The following TMEM154 variants were observed in gnomAD, a reference collection of about 807,000 sequenced individuals.
The protein encoded by TMEM154 is transmembrane protein 154.
Under a neutral mutation model 24.5 loss-of-function variants are expected in TMEM154, and 27 were observed. That is an observed-to-expected ratio of 1.10 (90% CI 0.81 to 1.52). TMEM154 has a LOEUF of 1.52. Ranked by LOEUF, TMEM154 falls within the 40% of genes most tolerant of loss-of-function variation. The probability of loss-of-function intolerance (pLI) is 0.00; values close to 1 mark genes in which losing one functional copy is unlikely to be tolerated. For synonymous variants in TMEM154, 67 were observed against 76.8 expected (o/e 0.87, Z 0.67); for missense variants, 228 against 213.4 (o/e 1.07, Z -0.43).
chr4:152,625,210 C>T lies in TMEM154; in HGVS notation c.*3336G>A, dbSNP rs1485061768. ...GAGCTGCGGTGATCAGCAGAAGCAT[C>T]TGCCTGGCTGTCAATATCAAGGTGG... On this transcript the variant is annotated 3_prime_UTR_variant, in exon 7 of 7. Coordinates refer to ENST00000304385, the MANE Select transcript of TMEM154 (RefSeq NM_152680.3). 1 of 152,266 alleles carries T rather than the reference C, an allele frequency of 6.6e-6. No individual in the cohort carries two copies. Among genetic ancestry groups the T allele is most frequent in the Admixed American group, 6.5e-5 (1 of 15,282 alleles). 9.4% of individuals were successfully genotyped at this position (152,266 alleles called of 1,614,324 possible).
At chr4:152,629,452 T>C (rs1406745763) in intron 6 of TMEM154, among the ~76,000 whole-genome samples, 1 of 152,224 alleles carries the variant, frequency 6.6e-6, no homozygotes, top group Non-Finnish European at 1.5e-5. Flanking sequence ...TTGGCTAATT[T>C]GGTCTTTTGC....
chr4:152,655,633 C>T (rs1352493425), intron 1 of TMEM154, among the ~76,000 whole-genome samples: 2 of 146,940 alleles, frequency 1.4e-5, no homozygotes, highest in African/African-American at 2.5e-5. Context: ...CCTCCCCCCA[C>T]CCCTGGCCAG....
intron 1 of TMEM154, chr4:152,668,269 A>T (rs1023470261): frequency 6.6e-6 from 1 of 151,870 alleles, no homozygotes; most frequent in African/African-American, 2.4e-5. Context: ...CATCAATGAG[A>T]TAAGCAACAT....
At chr4:152,678,041 A>T (rs2149792646) in intron 1 of TMEM154, among the ~76,000 whole-genome samples, 1 of 152,286 alleles carries the variant, frequency 6.6e-6, no homozygotes, top group South Asian at 2.1e-4. Context: ...CAAGGAGGAG[A>T]TCACATTTAG....
Position 152,622,946 on chromosome 4 carries a change from T to C in TMEM154, c.*5600A>G, listed in dbSNP as rs1420197636. On this transcript the variant is annotated 3_prime_UTR_variant, in exon 7 of 7. Transcript: ENST00000304385. ...CCGCCTCCTGGGTTCAAGTGATTCTTGGGCCTCAGCCCCCCGAGTAGGTGG... is the reference window on the plus strand; with the variant it reads ...CCGCCTCCTGGGTTCAAGTGATTCTCGGGCCTCAGCCCCCCGAGTAGGTGG... 6.6e-6 allele frequency: 1 copy of C among 152,226 alleles called. No homozygotes were observed. Among genetic ancestry groups the C allele is most frequent in the Non-Finnish European group, 1.5e-5 (1 of 68,054 alleles). The allele number at this position is 152,226 out of a possible 1,614,324, so 9.4% of individuals were successfully genotyped here.
chr4:152,654,849 G>C (rs530878187), intron 1 of TMEM154, among the ~76,000 whole-genome samples: 1 of 152,186 alleles, frequency 6.6e-6, no homozygotes, highest in Non-Finnish European at 1.5e-5. Context: ...TATGGTATCT[G>C]AGCTAAGACA....
intron 1 of TMEM154, among the ~76,000 whole-genome samples, chr4:152,671,750 A>AAAG: frequency 6.7e-6 from 1 of 148,380 alleles, no homozygotes; most frequent in Non-Finnish European, 1.5e-5. Context: ...CCGTCTCAAA[A>AAAG]AAAAAAAAAA....
In TMEM154 at chr4:152,644,621, C is replaced by T. The variant is rs150113223; in HGVS notation, c.365-179G>A. On this transcript the variant is annotated intron_variant, in intron 3 of 6. Coordinates refer to ENST00000304385, the MANE Select transcript of TMEM154 (RefSeq NM_152680.3). ...GTGGATTGCCATATTAAAACGAGGT[C>T]CTAATCCGTGTGAAATCTGCTTTCT... Among the ~76,000 whole-genome samples, 577 of 152,276 alleles carry T rather than the reference C, an allele frequency of 3.8e-3. 2 individuals are homozygous for T. The highest frequency in any genetic ancestry group is 0.027 in the South Asian group (128 of 4,818).
chr4:152,645,936 C>CACAT lies in TMEM154; in HGVS notation c.365-1495_365-1494insATGT, dbSNP rs892029410. Reference sequence around the variant, plus strand: ...AACTTAGATGGGGGAAAGGAGAATACACACACACACACACACACACACACA... The same window carrying CACAT: ...AACTTAGATGGGGGAAAGGAGAATACACATACACACACACACACACACACACACA... On this transcript the variant is annotated intron_variant, in intron 3 of 6. Coordinates refer to ENST00000304385, the MANE Select transcript of TMEM154 (RefSeq NM_152680.3). Among the ~76,000 whole-genome samples, 4 of 12,014 alleles carry CACAT rather than the reference C, an allele frequency of 3.3e-4. No homozygotes were observed. The African/African-American group carries it at 3.4e-3, about 10-fold the overall frequency. 7.9% of individuals were successfully genotyped at this position (12,014 alleles called of 152,430 possible).
At chr4:152,651,882 T>TC (rs111521201) in intron 3 of TMEM154, among the ~76,000 whole-genome samples, 7,392 of 152,336 alleles carry the variant, frequency 0.049, 215 homozygotes, top group East Asian at 0.072. Flanking sequence ...ATGTGACTCT[T>TC]CTTCCATTTG....
chr4:152,655,281 A>G (rs369587141), intron 1 of TMEM154, among the ~76,000 whole-genome samples: 3 of 152,334 alleles, frequency 2.0e-5, no homozygotes, highest in Admixed American at 6.5e-5. Flanking sequence ...AAGCTCCCCA[A>G]TGTGGGGAAA....
intron 1 of TMEM154, among the ~76,000 whole-genome samples, chr4:152,656,184 C>T (rs1256079787): frequency 3.3e-5 from 5 of 152,266 alleles, no homozygotes; most frequent in East Asian, 3.9e-4. Context: ...TGGGACCCAG[C>T]GTGTTGTCCT....
intron 3 of TMEM154, among the ~76,000 whole-genome samples, chr4:152,644,655 T>C (rs1752321501): frequency 6.6e-6 from 1 of 152,232 alleles, no homozygotes; most frequent in African/African-American, 2.4e-5. Flanking sequence ...CTTTTAGATG[T>C]GGATGGTCTG....
intron 3 of TMEM154, among the ~76,000 whole-genome samples, chr4:152,651,280 A>T (rs1436733975): frequency 1.3e-5 from 2 of 151,422 alleles, no homozygotes; most frequent in East Asian, 3.9e-4. Context: ...AGCTTCCCAT[A>T]GTGCTGAGAT....
intron 6 of TMEM154, among the ~76,000 whole-genome samples, chr4:152,637,162 T>A (rs1218133636): frequency 6.6e-6 from 1 of 152,218 alleles, no homozygotes; most frequent in Non-Finnish European, 1.5e-5. Context: ...AAAACTGCCC[T>A]AAAAATAATC....
chr4:152,641,866 G>A (rs1349357775), intron 5 of TMEM154, among the ~76,000 whole-genome samples: 1 of 118,912 alleles, frequency 8.4e-6, no homozygotes, highest in Admixed American at 9.2e-5. Flanking sequence ...GCTCTTTTTT[G>A]AAATCACACC....
At chr4:152,643,501 C>T (rs568491617) in intron 4 of TMEM154, among the ~76,000 whole-genome samples, 116 of 152,300 alleles carry the variant, frequency 7.6e-4, no homozygotes, top group Admixed American at 1.4e-3. Context: ...GAGGCCCTTC[C>T]GGGGAGTTGC....
intron 3 of TMEM154, chr4:152,647,071 G>T: frequency 1.0e-6 from 1 of 958,014 alleles, no homozygotes; most frequent in South Asian, 1.4e-5. Flanking sequence ...CAAGCCCAAA[G>T]GAAAAAGTAA....
intron 1 of TMEM154, among the ~76,000 whole-genome samples, chr4:152,679,495 G>A (rs1729017949): frequency 6.6e-6 from 1 of 151,522 alleles, no homozygotes; most frequent in South Asian, 2.1e-4. Context: ...ACCATAAAAA[G>A]CAAATTAATC....
Sources: allele counts gnomAD v4.1 joint callset (sites outside exome capture counted in the v4.1 genomes callset), GRCh38; gene constraint gnomAD v4.1.1; transcripts MANE v1.5; gene names NCBI Gene and HGNC (gene_info 2026-07-23, HGNC 2026-07-21).